Variants in EPHX1 observed in about 807,000 individuals in gnomAD.
EPHX1 encodes the protein epoxide hydratase.
In EPHX1, 40 loss-of-function variants were observed where a neutral mutation model predicts 43.2. That is an observed-to-expected ratio of 0.93 (90% confidence interval 0.72 to 1.21). The LOEUF is 1.21. Among genes scored for constraint, EPHX1 ranks in the 50% most tolerant of loss-of-function variants. The pLI, the probability that EPHX1 is intolerant of heterozygous loss-of-function variation, is 0.00. For synonymous variants in EPHX1, 221 were observed against 226.7 expected (o/e 0.98, Z 0.22); for missense variants, 550 against 570.4 (o/e 0.96, Z 0.36).
chr1:225,844,696 G>T, intron 8 of EPHX1, 73 bp downstream of exon 8: 1 of 1,596,488 alleles, frequency 6.3e-7, no homozygotes, highest in Non-Finnish European at 8.5e-7. Flanking sequence ...TGGGCTCCAC[G>T]AAGGGCACTT....
chr1:225,835,719 T>TC (rs563758777), intron 3 of EPHX1, among the ~76,000 whole-genome samples: 1 of 150,904 alleles, frequency 6.6e-6, no homozygotes, highest in East Asian at 1.9e-4. Context: ...TTTTTTTTTT[T>TC]ACATTTTTAG....
In EPHX1 at chr1:225,845,435, G is replaced by C; in HGVS notation, c.*88G>C. 1 of 1,396,808 alleles carries C rather than the reference G, an allele frequency of 7.2e-7. No homozygotes were observed. The highest frequency in any genetic ancestry group is 9.7e-7 in the Non-Finnish European group (1 of 1,029,256). The allele number at this position is 1,396,808 out of a possible 1,614,324, so 86.5% of individuals were successfully genotyped here. ...AAGATACCCCTTTTCTGAGGAATGA[G>C]TTTGCCTCCGTCCCCTGCCCATGCT... is the stretch of plus-strand genomic sequence containing the variant. On this transcript the variant is annotated 3_prime_UTR_variant, in exon 9 of 9. Transcript: ENST00000272167.
At chr1:225,818,350 G>A (rs889126521) in intron 1 of EPHX1, among the ~76,000 whole-genome samples, 6 of 152,162 alleles carry the variant, frequency 3.9e-5, no homozygotes, top group Non-Finnish European at 5.9e-5. Flanking sequence ...AGGAGCTTCC[G>A]TCCAGCTGTC....
At chr1:225,833,069 C>T (rs1205071561) in intron 3 of EPHX1, among the ~76,000 whole-genome samples, 1 of 152,196 alleles carries the variant, frequency 6.6e-6, no homozygotes, top group Non-Finnish European at 1.5e-5. Context: ...CATGGCTCAC[C>T]ACAGCCTCGA....
chr1:225,837,884 G>A (rs1341918475), intron 3 of EPHX1, among the ~76,000 whole-genome samples: 1 of 152,126 alleles, frequency 6.6e-6, no homozygotes, highest in Non-Finnish European at 1.5e-5. Flanking sequence ...TTTTGTCAAT[G>A]TGTATGAAAA....
intron 1 of EPHX1, among the ~76,000 whole-genome samples, chr1:225,823,423 G>A (rs919564304): frequency 1.3e-5 from 2 of 152,208 alleles, no homozygotes; most frequent in African/African-American, 4.8e-5. Context: ...GGGATGGGGA[G>A]TCTCCGGGAA....
At chr1:225,816,149 G>C (rs1666715712) in intron 1 of EPHX1, among the ~76,000 whole-genome samples, 1 of 152,174 alleles carries the variant, frequency 6.6e-6, no homozygotes, top group Non-Finnish European at 1.5e-5. Context: ...AATCAGCCGG[G>C]CATGGTGGTG....
chr1:225,837,270 A>G (rs1668017512), intron 3 of EPHX1, among the ~76,000 whole-genome samples: 1 of 152,254 alleles, frequency 6.6e-6, no homozygotes, highest in Non-Finnish European at 1.5e-5. Context: ...TAACGACAGA[A>G]CAGAACATTA....
intron 1 of EPHX1, among the ~76,000 whole-genome samples, chr1:225,824,352 A>T (rs1437204483): frequency 6.6e-6 from 1 of 152,224 alleles, no homozygotes; most frequent in African/African-American, 2.4e-5. Context: ...ACACCCAGTG[A>T]CAGACCAGGA....
intron 1 of EPHX1, among the ~76,000 whole-genome samples, chr1:225,818,657 A>G (rs1481139259): frequency 2.0e-5 from 3 of 152,170 alleles, no homozygotes; most frequent in Admixed American, 1.3e-4. Context: ...CTGTTTCTCC[A>G]TAATATTGAT....
At chr1:225,810,406 T>C (rs1666417750) in intron 1 of EPHX1, 1 of 151,712 alleles carries the variant, frequency 6.6e-6, no homozygotes, top group Admixed American at 6.5e-5. Flanking sequence ...CGCGGACTTC[T>C]CGCAGGGAAT....
intron 1 of EPHX1, among the ~76,000 whole-genome samples, chr1:225,815,478 C>T (rs1169858045): frequency 6.7e-6 from 1 of 148,394 alleles, no homozygotes; most frequent in Non-Finnish European, 1.5e-5. Flanking sequence ...GTCTTGAACT[C>T]CTGGGCTCAA....
At chr1:225,842,547 T>C in intron 7 of EPHX1, 73 bp downstream of exon 7, 1 of 1,082,418 alleles carries the variant, frequency 9.2e-7, no homozygotes. Flanking sequence ...CTTCATCCCC[T>C]TGTCTGGTTG....
At chr1:225,839,010 T>C in intron 4 of EPHX1, 129 bp downstream of exon 4, 2 of 1,338,414 alleles carry the variant, frequency 1.5e-6, no homozygotes, top group Non-Finnish European at 1.0e-6. Context: ...AGGAGGGGCC[T>C]GAGAGGCCGG....
Position 225,817,750 on chromosome 1 carries a change from G to A in EPHX1, c.-6+7581G>A, listed in dbSNP as rs567133315. ...TCAGAGCCAGGCCTGCCCAACTGTC[G>A]CAGGGCTGGGTCCACCTCATGGCCT... On this transcript the variant is annotated intron_variant, in intron 1 of 8. Coordinates refer to ENST00000272167, the MANE Select transcript of EPHX1 (RefSeq NM_001136018.4). The surrounding 1 kb of genome is among the most constrained non-coding windows in gnomAD (Gnocchi z 5.7). Among the ~76,000 whole-genome samples, 38 of 152,330 alleles carry A rather than the reference G, an allele frequency of 2.5e-4. No homozygotes were observed. The South Asian group carries it at 5.6e-3, about 22-fold the overall frequency.
intron 2 of EPHX1, 67 bp downstream of exon 2, chr1:225,828,979 G>A: frequency 6.5e-7 from 1 of 1,536,564 alleles, no homozygotes. Flanking sequence ...CAGGGGTTGG[G>A]TCTTAGGCCA....
At chr1:225,811,482 G>A (rs571679332) in intron 1 of EPHX1, among the ~76,000 whole-genome samples, 4 of 152,288 alleles carry the variant, frequency 2.6e-5, no homozygotes, top group Admixed American at 2.6e-4. Flanking sequence ...TGGCAGGCCC[G>A]CTTCCAGGAC....
At chr1:225,840,505 A>T (rs748011605) in intron 6 of EPHX1, among the ~76,000 whole-genome samples, 1 of 152,216 alleles carries the variant, frequency 6.6e-6, no homozygotes, top group Non-Finnish European at 1.5e-5. Flanking sequence ...CAAAAAGGTA[A>T]ATTTATAAAG....
chr1:225,834,020 C>G (rs1168439064), intron 3 of EPHX1, among the ~76,000 whole-genome samples: 2 of 148,418 alleles, frequency 1.3e-5, no homozygotes, highest in East Asian at 4.0e-4. Context: ...ATAGCGTGAA[C>G]CCGGAAGGCG....
Sources: gnomAD v4.1 joint callset for allele counts (sites outside exome capture counted in the v4.1 genomes callset) on GRCh38, gnomAD v4.1.1 for gene constraint, Gnocchi (gnomAD v3.1) non-coding constraint, MANE v1.5 for transcripts, NCBI Gene and HGNC (gene_info 2026-07-23, HGNC 2026-07-21) for gene names.